DNAJB1: variants seen among roughly 807,000 people sequenced by gnomAD.
DNAJB1 encodes the protein DnaJ heat shock protein family (Hsp40) member B1.
A neutral mutation model predicts 24.0 loss-of-function variants in DNAJB1; 14 were observed. The ratio of observed to expected loss-of-function variants is 0.58; its 90% CI spans 0.39 to 0.91. DNAJB1 has a LOEUF of 0.91. Ranked by LOEUF, DNAJB1 falls within the 40% of genes least tolerant of loss-of-function variation. The pLI is 0.00. For missense variants in DNAJB1, 517 were observed against 458.1 expected (o/e 1.13, Z -1.17); for synonymous variants, 262 against 174.4 (o/e 1.50, Z -3.96).
At chr19:14,540,935 A>G (rs1384026819) in intron 1 of DNAJB1, among the ~76,000 whole-genome samples, 1 of 151,862 alleles carries the variant, frequency 6.6e-6, no homozygotes, top group Non-Finnish European at 1.5e-5. Flanking sequence ...TCCGGTTTCA[A>G]GCCATTCTTT....
chr19:14,518,079 G>C (rs1405736630), intron 1 of DNAJB1, 60 bp downstream of exon 1: 2 of 1,371,438 alleles, frequency 1.5e-6, no homozygotes, highest in East Asian at 6.0e-5. Flanking sequence ...AGGGGCCAGC[G>C]TGCCTCAGTT....
intron 1 of DNAJB1, among the ~76,000 whole-genome samples, chr19:14,548,061 C>A (rs1027598541): frequency 6.6e-6 from 1 of 150,918 alleles, no homozygotes; most frequent in African/African-American, 2.4e-5. Context: ...CCTCCTGGGT[C>A]AAGCGATTCT....
At chr19:14,522,862 C>T (rs1031779244), upstream of DNAJB1, among the ~76,000 whole-genome samples, 2 of 152,188 alleles carry the variant, frequency 1.3e-5, no homozygotes, top group Non-Finnish European at 2.9e-5. Context: ...CGTGTGTGAT[C>T]TTCCACAGCC....
At chr19:14,550,934 A>T (rs1389963069), upstream of DNAJB1, among the ~76,000 whole-genome samples, 4 of 152,122 alleles carry the variant, frequency 2.6e-5, no homozygotes, top group East Asian at 7.7e-4. Context: ...GGCCTCCCAG[A>T]GTACTGGGAT....
intron 1 of DNAJB1, among the ~76,000 whole-genome samples, chr19:14,549,471 T>C (rs2073420457): frequency 6.6e-6 from 1 of 151,978 alleles, no homozygotes; most frequent in Non-Finnish European, 1.5e-5. Context: ...CTGCCCTCCT[T>C]GGCCCCCTAA....
At chr19:14,523,261 T>A (rs936216898), upstream of DNAJB1, among the ~76,000 whole-genome samples, 2 of 152,096 alleles carry the variant, frequency 1.3e-5, no homozygotes, top group African/African-American at 4.8e-5. Flanking sequence ...GCTATGTGGA[T>A]GAAATTGAGA....
intron 1 of DNAJB1, among the ~76,000 whole-genome samples, chr19:14,556,957 G>A (rs2073748916): frequency 6.6e-6 from 1 of 152,102 alleles, no homozygotes; most frequent in African/African-American, 2.4e-5. Flanking sequence ...GACCAGCTGG[G>A]CGAGGCATCA....
chr19:14,516,416 C>G, intron 2 of DNAJB1, 50 bp downstream of exon 2: 1 of 1,566,852 alleles, frequency 6.4e-7, no homozygotes, highest in Non-Finnish European at 8.7e-7. Context: ...TAAACTGCTT[C>G]AAAAAGCAGC....
Position 14,517,046 on chromosome 19 carries a change from C to G in DNAJB1, c.212G>C (p.Gly71Ala). 6.2e-7 allele frequency: 1 copy of G among 1,602,320 alleles called. No individual in the cohort carries two copies. The highest frequency in any genetic ancestry group is 8.5e-7 in the Non-Finnish European group (1 of 1,174,314). Residue 71 changes from glycine (G) to alanine (A), a missense_variant and splice_region_variant, in exon 2 of 3, where the codon GGC (glycine) becomes GCC (alanine). By Grantham distance (60) the Gly-to-Ala change is moderately conservative. Coordinates refer to ENST00000254322, the MANE Select transcript of DNAJB1 (RefSeq NM_006145.3). ...GCCACTGGGGCCACTCCCCTTTAGG[C>G]CTGAAAAGCAGATTTAGAAGCAGTC... The part of the protein sequence containing the change: ...REIFDRYGEE[G>A]LKGSGPSGGS...
At chr19:14,536,006 C>G (rs1172206519) in intron 1 of DNAJB1, among the ~76,000 whole-genome samples, 1 of 152,012 alleles carries the variant, frequency 6.6e-6, no homozygotes, top group African/African-American at 2.4e-5. Context: ...TGTAGGCACT[C>G]AGAATCTCAG....
intron 1 of DNAJB1, among the ~76,000 whole-genome samples, chr19:14,547,821 C>T (rs539257391): frequency 2.0e-5 from 3 of 151,658 alleles, no homozygotes; most frequent in South Asian, 2.1e-4. Context: ...CACCTACAGC[C>T]GGCTACTTTT....
At chr19:14,540,003 C>T (rs1395349081) in intron 1 of DNAJB1, among the ~76,000 whole-genome samples, 3 of 151,862 alleles carry the variant, frequency 2.0e-5, no homozygotes, top group African/African-American at 2.4e-5. Context: ...CCTCAGCCTC[C>T]TGAGTAGCTG....
upstream of DNAJB1, among the ~76,000 whole-genome samples, chr19:14,550,968 G>T (rs916550307): frequency 6.6e-5 from 10 of 151,682 alleles, no homozygotes; most frequent in African/African-American, 2.4e-4. Flanking sequence ...TACCACACCC[G>T]GCCGCTCCTT....
chr19:14,522,683 G>GACAC (rs56121204), upstream of DNAJB1, among the ~76,000 whole-genome samples: 2,256 of 117,784 alleles, frequency 0.019, 47 homozygotes, highest in East Asian at 0.069. Context: ...CACACACACA[G>GACAC]ACACACACAC....
In DNAJB1 at chr19:14,515,571, T is replaced by A. The variant is rs961816209; in HGVS notation, c.*369A>T. ...GGGTCTGGGAATCAAGACTGCAGGT[T>A]GACATTATCTACCAGCCAGAAGCAA... On this transcript the variant is annotated 3_prime_UTR_variant, in exon 3 of 3. Transcript: ENST00000254322. The A allele has an allele frequency of 2.8e-5, 7 of 251,526 alleles. No homozygotes were observed. The highest frequency in any genetic ancestry group is 1.4e-4 in the African/African-American group (6 of 42,872). The allele number at this position is 251,526 out of a possible 1,614,324, so 15.6% of individuals were successfully genotyped here.
At chr19:14,537,018 G>T (rs942156181) in intron 1 of DNAJB1, among the ~76,000 whole-genome samples, 1 of 147,230 alleles carries the variant, frequency 6.8e-6, no homozygotes, top group African/African-American at 2.5e-5. Flanking sequence ...AGGACGGGGA[G>T]GGGTGTCGAG....
chr19:14,518,313 G>A lies in DNAJB1; in HGVS notation c.37C>T (p.Arg13Cys), dbSNP rs766545114. Residue 13 changes from arginine (R) to cysteine (C), a missense_variant, in exon 1 of 3, where the codon CGC becomes TGC. Transcript: ENST00000254322. ...TTGATCTCCTCGTCCGACGCGCCGC[G>A]GGCCAGGCCCAACGTCTGGTAGTAG... ...KDYYQTLGLA[R>C]GASDEEIKRA... is the part of the protein sequence containing the mutation. 83 of 1,605,712 alleles carry A rather than the reference G, an allele frequency of 5.2e-5. No homozygotes were observed. The highest frequency in any genetic ancestry group is 2.0e-4 in the Middle Eastern group (1 of 5,050).
intron 1 of DNAJB1, among the ~76,000 whole-genome samples, chr19:14,543,405 ATATATATATATATATTTTTTTTTTTTTTT>A (rs2073174873): frequency 5.1e-5 from 1 of 19,572 alleles, no homozygotes; most frequent in African/African-American, 2.3e-4. Context: ...ATATATATAT[ATATATATATATATATTTTTTTTTTTTTTT>A]TTTTTTTTTT....
intron 1 of DNAJB1, among the ~76,000 whole-genome samples, chr19:14,549,196 C>T (rs1301664891): frequency 1.3e-5 from 2 of 149,742 alleles, no homozygotes; most frequent in African/African-American, 2.5e-5. Context: ...ATTATTTCCA[C>T]AACCTTTAAT....
Sources: allele counts gnomAD v4.1 joint callset (sites outside exome capture counted in the v4.1 genomes callset), GRCh38; gene constraint gnomAD v4.1.1; transcripts MANE v1.5; gene names NCBI Gene and HGNC (gene_info 2026-07-23, HGNC 2026-07-21).